The following TRAPPC9 variants were observed in gnomAD, a reference collection of about 807,000 sequenced individuals.
TRAPPC9 encodes the protein trafficking protein particle complex subunit 9.
In TRAPPC9, 83 loss-of-function variants were observed where a neutral mutation model predicts 124.0. The observed-to-expected ratio is 0.67, with a 90% CI of 0.56 to 0.80. TRAPPC9 has a LOEUF of 0.80. Among genes scored for constraint, TRAPPC9 ranks in the 30% least tolerant of loss-of-function variants. TRAPPC9 has a pLI of 0.00. For synonymous variants in TRAPPC9, 638 were observed against 617.5 expected (o/e 1.03, Z -0.49); for missense variants, 1,302 against 1,508.3 (o/e 0.86, Z 2.27).
chr8:139,946,824 TAAAA>T (rs35184277), intron 19 of TRAPPC9, among the ~76,000 whole-genome samples: 7 of 147,988 alleles, frequency 4.7e-5, no homozygotes, highest in Non-Finnish European at 9.0e-5. Context: ...GCTAAAAATT[TAAAA>T]AAAAAAAAAT....
chr8:139,980,593 A>G (rs1191409659), intron 19 of TRAPPC9, among the ~76,000 whole-genome samples: 2 of 152,248 alleles, frequency 1.3e-5, no homozygotes, highest in African/African-American at 4.8e-5. Flanking sequence ...TGCATCGGGC[A>G]TGGCCTCTAA....
intron 18 of TRAPPC9, among the ~76,000 whole-genome samples, chr8:139,989,107 C>A (rs1837459157): frequency 6.6e-6 from 1 of 152,182 alleles, no homozygotes. Flanking sequence ...TGCCTTTTAC[C>A]AACCAAGTGG....
intron 17 of TRAPPC9, among the ~76,000 whole-genome samples, chr8:140,148,239 T>A (rs1011768037): frequency 6.6e-6 from 1 of 152,222 alleles, no homozygotes; most frequent in Non-Finnish European, 1.5e-5. Context: ...CAGATCATTT[T>A]AATAAAAAAT....
chr8:140,420,678 AC>A (rs2070170506), intron 5 of TRAPPC9, among the ~76,000 whole-genome samples: 1 of 152,128 alleles, frequency 6.6e-6, no homozygotes, highest in South Asian at 2.1e-4. Flanking sequence ...TATTTTTTAA[AC>A]ATGCACACCT....
At position 139,961,904 on chromosome 8, in the gene TRAPPC9, T is replaced by C. The variant is rs1835389899; in HGVS notation, c.2810+26822A>G. On this transcript the variant is annotated intron_variant, in intron 19 of 22. Coordinates refer to ENST00000438773, the MANE Select transcript of TRAPPC9 (RefSeq NM_001160372.4). ...CCAGAGGACAAACAGGGCAGAGAGA[T>C]GACGGGATGACCAGCTGCAGAGACA... is the stretch of plus-strand genomic sequence containing the variant. 3.2e-5 allele frequency among the ~76,000 whole-genome samples: 4 copies of C among 123,550 alleles called. 1 individual carries two copies. Among genetic ancestry groups the C allele is most frequent in the Non-Finnish European group, 5.8e-5 (3 of 51,774 alleles). 81.1% of individuals were successfully genotyped at this position (123,550 alleles called of 152,430 possible).
chr8:139,741,785 G>A (rs556990759), intron 21 of TRAPPC9, among the ~76,000 whole-genome samples: 30 of 152,076 alleles, frequency 2.0e-4, no homozygotes, highest in Non-Finnish European at 3.2e-4. Context: ...AGTGAGCTCC[G>A]GCGCCTGGCT....
chr8:140,184,053 C>T (rs759246490), intron 17 of TRAPPC9, among the ~76,000 whole-genome samples: 33 of 151,448 alleles, frequency 2.2e-4, no homozygotes, highest in Non-Finnish European at 4.1e-4. Flanking sequence ...ACCCTGTGAC[C>T]GGGCCTGGAG....
chr8:139,965,062 G>GT (rs1835610528), intron 19 of TRAPPC9, among the ~76,000 whole-genome samples: 1 of 152,134 alleles, frequency 6.6e-6, no homozygotes. Flanking sequence ...CAGGCTGGCT[G>GT]TAACTCTCTG....
At chr8:140,435,312 G>C (rs1467404730) in intron 3 of TRAPPC9, 72 bp from the exon 4 acceptor site, 1 of 1,560,112 alleles carries the variant, frequency 6.4e-7, no homozygotes, top group East Asian at 2.3e-5. Flanking sequence ...AGTCAAGTCA[G>C]TGACCCTTCA....
intron 17 of TRAPPC9, among the ~76,000 whole-genome samples, chr8:140,119,835 C>A (rs568167132): frequency 2.0e-5 from 3 of 152,268 alleles, no homozygotes; most frequent in South Asian, 2.1e-4. Context: ...CAGAAAGGAA[C>A]CCCCCTTCCT....
intron 18 of TRAPPC9, among the ~76,000 whole-genome samples, chr8:139,992,307 T>A (rs1337002652): frequency 6.6e-6 from 1 of 152,130 alleles, no homozygotes; most frequent in Non-Finnish European, 1.5e-5. Context: ...ACAGGTTGAG[T>A]ATGCTTGGAC....
intron 17 of TRAPPC9, among the ~76,000 whole-genome samples, chr8:140,109,098 G>T (rs1186419461): frequency 2.6e-5 from 4 of 152,096 alleles, no homozygotes; most frequent in African/African-American, 9.7e-5. Context: ...GTACATGTTT[G>T]GATTTTATAA....
chr8:139,978,777 T>C (rs1349319585), intron 19 of TRAPPC9, among the ~76,000 whole-genome samples: 1 of 152,214 alleles, frequency 6.6e-6, no homozygotes, highest in Non-Finnish European at 1.5e-5. Context: ...TGCCCAGGCC[T>C]GAGGCGGGTG....
At chr8:139,981,640 A>G (rs1013312497) in intron 19 of TRAPPC9, among the ~76,000 whole-genome samples, 14 of 152,274 alleles carry the variant, frequency 9.2e-5, no homozygotes, top group Non-Finnish European at 1.9e-4. Context: ...GTAGCCAGAT[A>G]GTTGAGTTGG....
At chr8:140,378,644 CAA>C (rs2068517674) in intron 7 of TRAPPC9, among the ~76,000 whole-genome samples, 2 of 152,304 alleles carry the variant, frequency 1.3e-5, no homozygotes, top group South Asian at 4.1e-4. Flanking sequence ...CCAACAAGAT[CAA>C]GTTTCCTTAT....
At chr8:139,812,557 C>T (rs963668785) in intron 21 of TRAPPC9, among the ~76,000 whole-genome samples, 1 of 152,170 alleles carries the variant, frequency 6.6e-6, no homozygotes, top group African/African-American at 2.4e-5. Context: ...GACTGCTGGT[C>T]TTCGTTATGT....
At chr8:140,300,243 A>G (rs1422499266) in intron 11 of TRAPPC9, among the ~76,000 whole-genome samples, 2 of 142,202 alleles carry the variant, frequency 1.4e-5, no homozygotes, top group Non-Finnish European at 1.5e-5. Context: ...GCATGCACGC[A>G]CGCATGCATA....
intron 19 of TRAPPC9, among the ~76,000 whole-genome samples, chr8:139,941,444 T>A (rs1230097907): frequency 6.6e-6 from 1 of 152,192 alleles, no homozygotes; most frequent in Non-Finnish European, 1.5e-5. Flanking sequence ...TGCTCTCAGT[T>A]GCAAGACTAG....
chr8:140,179,985 A>G (rs1455220630), intron 17 of TRAPPC9, among the ~76,000 whole-genome samples: 3 of 104,214 alleles, frequency 2.9e-5, no homozygotes, highest in African/African-American at 9.7e-5. Context: ...ATTTATAGTT[A>G]TATCTTGATT....
Sources: allele counts gnomAD v4.1 joint callset (sites outside exome capture counted in the v4.1 genomes callset), GRCh38; gene constraint gnomAD v4.1.1; transcripts MANE v1.5; gene names NCBI Gene and HGNC (gene_info 2026-07-23, HGNC 2026-07-21).